FASTKD2: variants seen among roughly 807,000 people sequenced by gnomAD.
The protein encoded by FASTKD2 is FAST kinase domains 2.
A neutral mutation model predicts 63.6 loss-of-function variants in FASTKD2; 51 were observed. That is an observed-to-expected ratio of 0.80 (90% CI 0.64 to 1.01). The LOEUF (loss-of-function observed/expected upper bound fraction) is 1.01, where lower values mean the gene tolerates loss of function less well. Ranked by LOEUF, FASTKD2 falls within the 50% of genes least tolerant of loss-of-function variation. The pLI, the probability that FASTKD2 is intolerant of heterozygous loss-of-function variation, is 0.00. For synonymous variants in FASTKD2, 284 were observed against 293.4 expected (o/e 0.97, Z 0.33); for missense variants, 786 against 831.1 (o/e 0.95, Z 0.67).
chr2:206,783,284 C>T (rs758818628), intron 7 of FASTKD2: 20 of 148,332 alleles, frequency 1.3e-4, no homozygotes, highest in African/African-American at 4.7e-4. Context: ...CAGGCTGCAC[C>T]GGAGACTGGG....
chr2:206,776,670 T>A (rs73070048), intron 7 of FASTKD2, among the ~76,000 whole-genome samples: 18,873 of 152,068 alleles, frequency 0.12, 1,738 homozygotes, highest in African/African-American at 0.26. Context: ...TTGTCTTTTT[T>A]ATGCCAGTAC....
chr2:206,791,570 T>A, intron 11 of FASTKD2, 113 bp from the exon 12 acceptor site: 1 of 943,106 alleles, frequency 1.1e-6, no homozygotes, highest in Non-Finnish European at 1.7e-6. Flanking sequence ...AAGGTCACAT[T>A]TGCTTTCAAA....
intron 7 of FASTKD2, among the ~76,000 whole-genome samples, chr2:206,779,277 A>T (rs565218842): frequency 6.6e-6 from 1 of 152,118 alleles, no homozygotes; most frequent in Non-Finnish European, 1.5e-5. Flanking sequence ...TATGTCCTTA[A>T]ATCTAAAGCG....
At chr2:206,788,247 G>C (rs1187328125) in intron 9 of FASTKD2, 92 bp downstream of exon 9, 4 of 830,910 alleles carry the variant, frequency 4.8e-6, no homozygotes, top group Non-Finnish European at 7.9e-6. Context: ...CAGCAGTTTA[G>C]TGTAGTGCAG....
At position 206,766,625 on chromosome 2, in the gene FASTKD2, A is replaced by G. The variant is rs1689487300; in HGVS notation, c.-50-19A>G. 1 of 1,299,038 alleles carries G rather than the reference A, an allele frequency of 7.7e-7. No individual in the cohort carries two copies. Among genetic ancestry groups the G allele is most frequent in the Non-Finnish European group, 1.1e-6 (1 of 897,872 alleles). The allele number at this position is 1,299,038 out of a possible 1,614,324, so 80.5% of individuals were successfully genotyped here. On this transcript the variant is annotated intron_variant, in intron 1 of 11. Transcript: ENST00000402774. The stretch of plus-strand genomic sequence containing the variant: ...TTTTGTTTTAATTTTTATTCTTTTC[A>G]TTACTTCTTCCCCTACAGGAAAACG...
intron 2 of FASTKD2, 63 bp downstream of exon 2, chr2:206,767,533 G>A: frequency 1.5e-6 from 2 of 1,314,904 alleles, no homozygotes; most frequent in Admixed American, 1.8e-5. Flanking sequence ...AAAGAATGAA[G>A]GGATATAGAT....
In FASTKD2 at chr2:206,795,182, G is replaced by A. The variant is rs372815075; in HGVS notation, c.*3380G>A. Among the ~76,000 whole-genome samples the A allele has an allele frequency of 2.4e-4, 37 of 152,372 alleles. 1 individual carries two copies. In the East Asian group the frequency reaches 3.9e-3, roughly 16 times the overall value. On this transcript the variant is annotated 3_prime_UTR_variant, in exon 12 of 12. Transcript: ENST00000402774. ...CGCTGACTTGTAGGGAGACCTAGGT[G>A]TGGAGCTTCCTGGCCAGGAGGGCAG...
chr2:206,781,304 ATTT>A (rs71034473), intron 7 of FASTKD2, among the ~76,000 whole-genome samples: 29 of 75,922 alleles, frequency 3.8e-4, no homozygotes, highest in African/African-American at 1.0e-3. Context: ...TTTTTCTATG[ATTT>A]TTTTTTTTTT....
intron 7 of FASTKD2, among the ~76,000 whole-genome samples, chr2:206,780,860 G>T (rs527286159): frequency 6.6e-6 from 1 of 151,902 alleles, no homozygotes; most frequent in Non-Finnish European, 1.5e-5. Context: ...CAAATTCTCC[G>T]ATTCTCTTTT....
chr2:206,780,933 T>C (rs1689955081), intron 7 of FASTKD2, among the ~76,000 whole-genome samples: 1 of 152,200 alleles, frequency 6.6e-6, no homozygotes, highest in African/African-American at 2.4e-5. Context: ...TTATATTCTT[T>C]AGCTCCAGAA....
chr2:206,766,647 A>T lies in FASTKD2; in HGVS notation c.-47A>T. ...TTCATTACTTCTTCCCCTACAGGAAAACGACAGCACGTGTTCTTTTTCACT... is the reference window on the plus strand; with the variant it reads ...TTCATTACTTCTTCCCCTACAGGAATACGACAGCACGTGTTCTTTTTCACT... On this transcript the variant is annotated 5_prime_UTR_variant, in exon 2 of 12. Transcript: ENST00000402774. 3 of 1,522,334 alleles carry T rather than the reference A, an allele frequency of 2.0e-6. No homozygotes were observed. The highest frequency in any genetic ancestry group is 2.7e-6 in the Non-Finnish European group (3 of 1,096,926). The allele number at this position is 1,522,334 out of a possible 1,614,324, so 94.3% of individuals were successfully genotyped here.
rs1211452764 is a variant in FASTKD2 at position 206,794,291 on chromosome 2, A to G, written c.*2489A>G. 2.6e-5 allele frequency among the ~76,000 whole-genome samples: 4 copies of G among 152,266 alleles called. No individual in the cohort carries two copies. Among genetic ancestry groups the G allele is most frequent in the Non-Finnish European group, 5.9e-5 (4 of 68,050 alleles). On this transcript the variant is annotated 3_prime_UTR_variant, in exon 12 of 12. Coordinates refer to ENST00000402774, the MANE Select transcript of FASTKD2 (RefSeq NM_001136193.2). ...ATTAAATGCTCATTTTGTGTGAGAT[A>G]TCCAAATATTTTTTTCAGAATCCCT...
chr2:206,772,003 G>A lies in FASTKD2; in HGVS notation c.1100G>A (p.Ser367Asn), dbSNP rs1005439778. Residue 367 changes from serine (S) to asparagine (N), a missense_variant, in exon 5 of 12, where the codon AGT (serine) becomes AAT (asparagine). By Grantham distance (46) the Ser-to-Asn change is conservative. Transcript: ENST00000402774. ...HRSLILLDECSKVVLDNIHGC... is the reference protein window; with the variant it reads ...HRSLILLDECNKVVLDNIHGC... Reference sequence around the variant, plus strand: ...TCTCTTATACTCCTGGATGAATGCAGTAAGGTGGTCCTAGGTAAGAGGAAT... The same window carrying A: ...TCTCTTATACTCCTGGATGAATGCAATAAGGTGGTCCTAGGTAAGAGGAAT... The A allele has an allele frequency of 6.2e-7, 1 of 1,613,724 alleles. No homozygotes were observed. The highest frequency in any genetic ancestry group is 8.5e-7 in the Non-Finnish European group (1 of 1,179,642).
chr2:206,791,602 T>C, intron 11 of FASTKD2, 81 bp from the exon 12 acceptor site: 2 of 1,338,980 alleles, frequency 1.5e-6, no homozygotes, highest in Non-Finnish European at 2.1e-6. Flanking sequence ...CTCATGTTAC[T>C]TTACTATGTT....
chr2:206,772,090 A>G lies in FASTKD2; in HGVS notation c.1114+73A>G, dbSNP rs528008002. ...TTAGACTATTTTTGTTTTGTTTTAA[A>G]AACTTTGCTTTTATATGAAAAAAGA... On this transcript the variant is annotated intron_variant, in intron 5 of 11. Transcript: ENST00000402774. 4.7e-5 allele frequency: 76 copies of G among 1,600,996 alleles called. No homozygotes were observed. In the African/African-American group the frequency reaches 8.6e-4, roughly 18 times the overall value.
intron 7 of FASTKD2, among the ~76,000 whole-genome samples, chr2:206,775,444 G>A (rs1399257274): frequency 6.6e-6 from 1 of 151,892 alleles, no homozygotes; most frequent in African/African-American, 2.4e-5. Context: ...TGGCATCCCA[G>A]GGATAAATCC....
At chr2:206,783,280 G>T (rs1485175751) in intron 7 of FASTKD2, 1 of 148,276 alleles carries the variant, frequency 6.7e-6, no homozygotes, top group East Asian at 2.0e-4. Flanking sequence ...ACAACAGGCT[G>T]CACCGGAGAC....
At chr2:206,769,020 T>G (rs1338991482) in intron 2 of FASTKD2, among the ~76,000 whole-genome samples, 1 of 152,216 alleles carries the variant, frequency 6.6e-6, no homozygotes, top group East Asian at 1.9e-4. Flanking sequence ...GATATTTGCA[T>G]CGGGATGACA....
Position 206,771,285 on chromosome 2 carries a change from C to A in FASTKD2, c.985C>A (p.Leu329Met). The change falls in exon 4 of 12, where the codon CTG becomes ATG. Residue 329 changes from leucine to methionine, a missense_variant. Physicochemically the swap from Leu to Met is conservative, Grantham distance 15 (BLOSUM62 2). Transcript: ENST00000402774. Reference protein sequence around the residue: ...KDAPIALKRKLEMKALRELDR... With the variant: ...KDAPIALKRKMEMKALRELDR... ...TGCACCGATTGCTCTTAAGAGGAAA[C>A]TGGAGGTAAACACATGAATTTTCTC... 1 of 1,579,034 alleles carries A rather than the reference C, an allele frequency of 6.3e-7. No homozygotes were observed. Among genetic ancestry groups the A allele is most frequent in the Non-Finnish European group, 8.7e-7 (1 of 1,148,182 alleles).
Sources: allele counts gnomAD v4.1 joint callset (sites outside exome capture counted in the v4.1 genomes callset), GRCh38; gene constraint gnomAD v4.1.1; transcripts MANE v1.5; gene names NCBI Gene and HGNC (gene_info 2026-07-23, HGNC 2026-07-21).